ZNF276: variants seen among roughly 807,000 people sequenced by gnomAD.
The protein encoded by ZNF276 is centromere protein Z.
A neutral mutation model predicts 63.9 loss-of-function variants in ZNF276; 59 were observed. The observed-to-expected ratio is 0.92, with a 90% CI of 0.75 to 1.15. The LOEUF (loss-of-function observed/expected upper bound fraction) is 1.15. ZNF276 is among the 50% of genes most tolerant of loss of function. ZNF276 has a pLI of 0.00. For synonymous variants in ZNF276, 496 were observed against 348.4 expected (o/e 1.42, Z -4.72); for missense variants, 1,084 against 843.8 (o/e 1.28, Z -3.53).
chr16:89,727,575 A>G (rs1197019174), intron 5 of ZNF276, among the ~76,000 whole-genome samples: 1 of 152,066 alleles, frequency 6.6e-6, no homozygotes, highest in Non-Finnish European at 1.5e-5. Context: ...CCTCCTCTCG[A>G]GGTGGCGGGA....
intron 5 of ZNF276, among the ~76,000 whole-genome samples, chr16:89,727,649 G>C (rs2061509281): frequency 1.3e-5 from 2 of 152,176 alleles, no homozygotes; most frequent in Non-Finnish European, 2.9e-5. Context: ...GGGTGCCAGA[G>C]AGCACTCCCA....
chr16:89,722,627 C>A lies in ZNF276; in HGVS notation c.302C>A (p.Ala101Glu). The change falls in exon 2 of 11, where the codon GCG becomes GAG. Residue 101 changes from alanine (A) to glutamate (E), a missense_variant. Coordinates refer to ENST00000443381, the MANE Select transcript of ZNF276 (RefSeq NM_001113525.2). Reference protein sequence around the residue: ...LRSISERAPGASMERPSAEER... With the variant: ...LRSISERAPGESMERPSAEER... ...AGCATCTCCGAGAGGGCGCCTGGAG[C>A]GAGCATGGAGAGGCCATCCGCAGAG... 1 of 1,612,002 alleles carries A rather than the reference C, an allele frequency of 6.2e-7. No individual in the cohort carries two copies. Among genetic ancestry groups the A allele is most frequent in the East Asian group, 2.2e-5 (1 of 44,872 alleles).
Position 89,722,428 on chromosome 16 carries a change from G to A in ZNF276, c.206-103G>A, listed in dbSNP as rs1459929106. 9.5e-6 allele frequency: 13 copies of A among 1,366,800 alleles called. No individual in the cohort carries two copies. The Admixed American group carries it at 2.8e-4, about 30-fold the overall frequency. 84.7% of individuals were successfully genotyped at this position (1,366,800 alleles called of 1,614,324 possible). A position where few individuals can be genotyped will look rare whatever the true frequency, so the allele number is the denominator to read the frequency against. ...GCCGCTTGCTGTGTCCGGGAGCCGCGCGAAGGGCGCTGCAGGCGCTGCCCT... is the reference window on the plus strand; with the variant it reads ...GCCGCTTGCTGTGTCCGGGAGCCGCACGAAGGGCGCTGCAGGCGCTGCCCT... On this transcript the variant is annotated intron_variant, in intron 1 of 10. Coordinates refer to ENST00000443381, the MANE Select transcript of ZNF276 (RefSeq NM_001113525.2).
chr16:89,739,392 C>A lies in ZNF276; in HGVS notation c.*1146C>A. 6.3e-7 allele frequency: 1 copy of A among 1,576,890 alleles called. No homozygotes were observed. On this transcript the variant is annotated 3_prime_UTR_variant, in exon 11 of 11. Coordinates refer to ENST00000443381, the MANE Select transcript of ZNF276 (RefSeq NM_001113525.2). ...CTGTGGAGCAGAGGCACAGACAACC[C>A]TTCCCATCTGGCGGGACCCAGAGGT...
intron 2 of ZNF276, 80 bp from the exon 3 acceptor site, chr16:89,723,057 A>G (rs1036227449): frequency 7.9e-5 from 128 of 1,610,790 alleles, no homozygotes; most frequent in Non-Finnish European, 1.1e-4. Flanking sequence ...GAGGTTTGAG[A>G]TCTCGAGAGG....
intron 9 of ZNF276, 42 bp from the exon 10 acceptor site, chr16:89,737,764 G>A (rs780395605): frequency 1.2e-6 from 2 of 1,611,530 alleles, no homozygotes; most frequent in South Asian, 1.1e-5. Flanking sequence ...CCGGGAGGTT[G>A]GAGCATCAGG....
In ZNF276 at chr16:89,734,015, G is replaced by A. The variant is rs1395828475; in HGVS notation, c.1451G>A (p.Arg484His). The A allele has an allele frequency of 9.9e-6, 16 of 1,614,052 alleles. No homozygotes were observed. Among genetic ancestry groups the A allele is most frequent in the Non-Finnish European group, 1.2e-5 (14 of 1,180,018 alleles). ...TTCATGATCGACCGCTACCTGCAGC[G>A]CCACGTGAAGCTCATCCACACAGGT... ...KVFMIDRYLQ[R>H]HVKLIHTEVR... The change falls in exon 9 of 11, where the codon CGC becomes CAC. Residue 484 changes from arginine to histidine, a missense_variant. Coordinates refer to ENST00000443381, the MANE Select transcript of ZNF276 (RefSeq NM_001113525.2).
At chr16:89,731,153 C>T (rs1296492982) in intron 6 of ZNF276, among the ~76,000 whole-genome samples, 1 of 152,236 alleles carries the variant, frequency 6.6e-6, no homozygotes, top group Non-Finnish European at 1.5e-5. Context: ...TCCAGGCAGG[C>T]AGGGCAGGTG....
In ZNF276 at chr16:89,722,539, C is replaced by T. The variant is rs377060397; in HGVS notation, c.214C>T (p.Arg72Trp). The T allele has an allele frequency of 1.1e-5, 17 of 1,611,022 alleles. No individual in the cohort carries two copies. The highest frequency in any genetic ancestry group is 8.8e-5 in the South Asian group (8 of 90,994). Residue 72 changes from arginine (R) to tryptophan (W), a missense_variant, in exon 2 of 11, where the codon CGG becomes TGG. Coordinates refer to ENST00000443381, the MANE Select transcript of ZNF276 (RefSeq NM_001113525.2). ...CCTGCCGCTCTGTGCAGGAGCAGGC[C>T]GGGCTCTCGCCATGGGTCACTGTCG... ...EDGADEAGAG[R>W]ALAMGHCRLC...
At chr16:89,735,307 C>T (rs998476062) in intron 9 of ZNF276, among the ~76,000 whole-genome samples, 1 of 152,024 alleles carries the variant, frequency 6.6e-6, no homozygotes, top group African/African-American at 2.4e-5. Context: ...GGCCTGGAAC[C>T]AGCTGAGGAC....
chr16:89,740,731 G>A lies in ZNF276; in HGVS notation c.*2485G>A, dbSNP rs779271674. On this transcript the variant is annotated 3_prime_UTR_variant, in exon 11 of 11. Coordinates refer to ENST00000443381, the MANE Select transcript of ZNF276 (RefSeq NM_001113525.2). ...GAGCTAGTCTGGAAACCCTGACTTG[G>A]AAGCTGGCTGCCTGGTGCCCCTGCC... 722 of 1,326,702 alleles carry A rather than the reference G, an allele frequency of 5.4e-4. 5 individuals carry two copies. Among genetic ancestry groups the A allele is most frequent in the Non-Finnish European group, 1.0e-4 (93 of 927,710 alleles). The allele number at this position is 1,326,702 out of a possible 1,614,324, so 82.2% of individuals were successfully genotyped here.
At chr16:89,720,593 G>A (rs2061233505), upstream of ZNF276, 2 of 1,223,820 alleles carry the variant, frequency 1.6e-6, no homozygotes, top group East Asian at 3.6e-5. Context: ...GTCACTGCAC[G>A]CCCGGCTGCG....
intron 5 of ZNF276, among the ~76,000 whole-genome samples, chr16:89,727,564 G>A (rs997743595): frequency 1.1e-4 from 16 of 152,172 alleles, no homozygotes; most frequent in African/African-American, 3.9e-4. Flanking sequence ...GTTGGGACAC[G>A]CCTCCTCTCG....
At position 89,733,090 on chromosome 16, in the gene ZNF276, C is replaced by CCTGCGCCCTTGCCCTCTGCTGTGCT. The variant is rs2061728729; in HGVS notation, c.1170-210_1170-186dup. The CCTGCGCCCTTGCCCTCTGCTGTGCT allele has an allele frequency of 5.1e-6, 3 of 586,290 alleles. No homozygotes were observed. The East Asian group carries it at 8.9e-5, about 17-fold the overall frequency. The allele number at this position is 586,290 out of a possible 1,614,324, so 36.3% of individuals were successfully genotyped here. The stretch of plus-strand genomic sequence containing the variant: ...GTGTTCACCCCTGACCCTGCTGTGT[C>CCTGCGCCCTTGCCCTCTGCTGTGCT]CTGCGCCCTTGCCCTCTGCTGTGCT... On this transcript the variant is annotated intron_variant, in intron 6 of 10. Transcript: ENST00000443381.
chr16:89,728,549 C>T (rs1164996019), intron 5 of ZNF276, among the ~76,000 whole-genome samples: 5 of 152,164 alleles, frequency 3.3e-5, no homozygotes, highest in African/African-American at 9.7e-5. Flanking sequence ...ACTACAGGCA[C>T]CCGCCACCAC....
Position 89,739,410 on chromosome 16 carries a change from C to G in ZNF276, c.*1164C>G. The G allele has an allele frequency of 6.4e-7, 1 of 1,561,514 alleles. No homozygotes were observed. Among genetic ancestry groups the G allele is most frequent in the Non-Finnish European group, 8.7e-7 (1 of 1,150,546 alleles). ...GACAACCCTTCCCATCTGGCGGGACCCAGAGGTGCTGAGATGGGGGTCTGG... is the reference window on the plus strand; with the variant it reads ...GACAACCCTTCCCATCTGGCGGGACGCAGAGGTGCTGAGATGGGGGTCTGG... On this transcript the variant is annotated 3_prime_UTR_variant, in exon 11 of 11. Transcript: ENST00000443381.
rs57995282 is a variant in ZNF276 at position 89,724,061 on chromosome 16, T to C, written c.1006+352T>C. Among the ~76,000 whole-genome samples the C allele has an allele frequency of 7.9e-4, 121 of 152,322 alleles. 1 individual carries two copies. Among genetic ancestry groups the C allele is most frequent in the African/African-American group, 2.9e-3 (121 of 41,562 alleles). On this transcript the variant is annotated intron_variant, in intron 4 of 10. Coordinates refer to ENST00000443381, the MANE Select transcript of ZNF276 (RefSeq NM_001113525.2). The stretch of plus-strand genomic sequence containing the variant: ...TGTCTGTGGATGTGGGAGAAAAGAA[T>C]GGCCGTTGCCTCTGCGGCTGCTGCC...
intron 9 of ZNF276, chr16:89,737,407 G>A (rs893513433): frequency 1.8e-4 from 42 of 239,902 alleles, no homozygotes; most frequent in African/African-American, 9.0e-4. Context: ...TGTAATCCCA[G>A]CTACTTGGCA....
Position 89,733,343 on chromosome 16 carries a change from C to A in ZNF276, c.1211C>A (p.Ser404Tyr), listed in dbSNP as rs1383469012. ...AGTGAAAGCAAAGAAGCCAAGAAGT[C>A]TGAAGAACCAAGAATTCGGAAGAAG... Reference protein sequence around the residue: ...KKSESKEAKKSEEPRIRKKPG... With the variant: ...KKSESKEAKKYEEPRIRKKPG... Residue 404 changes from serine to tyrosine, a missense_variant, in exon 7 of 11, where the codon TCT becomes TAT. By Grantham distance (144) the Ser-to-Tyr change is moderately radical. Transcript: ENST00000443381. 1 of 1,614,030 alleles carries A rather than the reference C, an allele frequency of 6.2e-7. No individual in the cohort carries two copies. Among genetic ancestry groups the A allele is most frequent in the Non-Finnish European group, 8.5e-7 (1 of 1,180,042 alleles).
Sources: gnomAD v4.1 joint callset for allele counts (sites outside exome capture counted in the v4.1 genomes callset) on GRCh38, gnomAD v4.1.1 for gene constraint, MANE v1.5 for transcripts, NCBI Gene and HGNC (gene_info 2026-07-23, HGNC 2026-07-21) for gene names.